CTNND2: variants seen among roughly 807,000 people sequenced by gnomAD.
CTNND2 encodes the protein catenin delta 2.
CTNND2 carries 22 observed loss-of-function variants against 144.4 expected under a neutral mutation model. The observed-to-expected ratio is 0.15, with a 90% confidence interval of 0.11 to 0.22. CTNND2 has a LOEUF of 0.22. CTNND2 is among the 10% of genes least tolerant of loss of function. CTNND2 has a pLI of 1.00. For synonymous variants in CTNND2, 751 were observed against 695.6 expected, an observed-to-expected ratio of 1.08 and a Z score of -1.25; for missense variants, 1,353 against 1,618.8, an observed-to-expected ratio of 0.84 and a Z score of 2.82.
At chr5:11,710,846 G>T (rs543275569) in intron 2 of CTNND2, among the ~76,000 whole-genome samples, 1 of 152,118 alleles carries the variant, frequency 6.6e-6, no homozygotes, top group African/African-American at 2.4e-5. Context: ...CTTTTGCTAC[G>T]TTTCTCTTTT....
intron 16 of CTNND2, among the ~76,000 whole-genome samples, chr5:11,061,746 T>TTTTGC (rs1747007264): frequency 2.6e-5 from 4 of 152,166 alleles, no homozygotes; most frequent in Admixed American, 2.6e-4. Flanking sequence ...TTTGTTCTTG[T>TTTTGC]CACCTAGGCT....
At chr5:11,835,507 AT>A (rs2126970997) in intron 1 of CTNND2, among the ~76,000 whole-genome samples, 1 of 152,248 alleles carries the variant, frequency 6.6e-6, no homozygotes, top group Admixed American at 6.5e-5. Context: ...TAGCTATAGA[AT>A]TATTCAGGTT....
intron 1 of CTNND2, among the ~76,000 whole-genome samples, chr5:11,845,226 A>G (rs908872158): frequency 2.6e-5 from 4 of 152,166 alleles, no homozygotes; most frequent in Admixed American, 2.6e-4. Flanking sequence ...CAGGGTCTAA[A>G]CATCTTGTTT....
chr5:11,278,090 G>A (rs1175464429), intron 9 of CTNND2, among the ~76,000 whole-genome samples: 2 of 152,046 alleles, frequency 1.3e-5, no homozygotes, highest in Admixed American at 6.6e-5. Flanking sequence ...CTCCAACTAG[G>A]ATGTTCTTCT....
At position 11,756,350 on chromosome 5, in the gene CTNND2, C is replaced by T. The variant is rs565347285; in HGVS notation, c.38-24078G>A. Among the ~76,000 whole-genome samples the T allele has an allele frequency of 4.6e-5, 7 of 151,698 alleles. No individual in the cohort carries two copies. In the South Asian group the frequency reaches 1.5e-3, roughly 31 times the overall value. ...AGTTGTTATGTGAAAAGTCAATAATCACCTCTAAGTATTTTAAAAATACAT... is the reference window on the plus strand; with the variant it reads ...AGTTGTTATGTGAAAAGTCAATAATTACCTCTAAGTATTTTAAAAATACAT... On this transcript the variant is annotated intron_variant, in intron 1 of 21. Transcript: ENST00000304623.
intron 21 of CTNND2, among the ~76,000 whole-genome samples, chr5:10,980,576 A>T (rs1428070180): frequency 6.6e-6 from 1 of 151,102 alleles, no homozygotes; most frequent in Admixed American, 6.6e-5. Flanking sequence ...AAATCATTCT[A>T]CTATAAAGAC....
At chr5:11,249,761 T>C (rs1158819117) in intron 9 of CTNND2, among the ~76,000 whole-genome samples, 1 of 152,028 alleles carries the variant, frequency 6.6e-6, no homozygotes, top group Non-Finnish European at 1.5e-5. Context: ...GTGTGGTTAT[T>C]TAGCCGCTAG....
At chr5:11,785,375 A>G (rs1365954564) in intron 1 of CTNND2, among the ~76,000 whole-genome samples, 5 of 152,212 alleles carry the variant, frequency 3.3e-5, no homozygotes, top group African/African-American at 1.2e-4. Flanking sequence ...AGAAGGGTTA[A>G]TTCGGATTTT....
intron 2 of CTNND2, among the ~76,000 whole-genome samples, chr5:11,699,735 C>G (rs922694754): frequency 3.9e-5 from 6 of 152,190 alleles, no homozygotes; most frequent in African/African-American, 1.4e-4. Flanking sequence ...AAAAGCATAT[C>G]ATCCACGGGC....
intron 1 of CTNND2, among the ~76,000 whole-genome samples, chr5:11,862,958 T>A (rs2127029656): frequency 6.6e-6 from 1 of 152,278 alleles, no homozygotes; most frequent in East Asian, 1.9e-4. Context: ...ACATGAAATA[T>A]AAAGACTAGT....
intron 1 of CTNND2, among the ~76,000 whole-genome samples, chr5:11,778,585 T>C (rs1790378503): frequency 1.3e-5 from 2 of 152,122 alleles, no homozygotes; most frequent in Admixed American, 6.5e-5. Context: ...TATTCTACAA[T>C]ATACCAGACC....
chr5:11,872,653 C>T (rs1045403214), intron 1 of CTNND2, among the ~76,000 whole-genome samples: 6 of 147,288 alleles, frequency 4.1e-5, no homozygotes, highest in Non-Finnish European at 9.1e-5. Context: ...AGCTTTTTTT[C>T]ATGTTTGTTG....
intron 1 of CTNND2, among the ~76,000 whole-genome samples, chr5:11,871,477 T>C (rs1735117461): frequency 1.3e-5 from 2 of 152,196 alleles, no homozygotes; most frequent in African/African-American, 4.8e-5. Context: ...TATGTATTTA[T>C]AAAATAAAGA....
At chr5:10,994,450 G>A (rs1266827512) in intron 18 of CTNND2, among the ~76,000 whole-genome samples, 2 of 110,204 alleles carry the variant, frequency 1.8e-5, no homozygotes, top group East Asian at 3.2e-4. Flanking sequence ...AAAGAGGAGC[G>A]GGGGCCGGGA....
chr5:11,671,112 C>G (rs1783855338), intron 2 of CTNND2, among the ~76,000 whole-genome samples: 1 of 152,230 alleles, frequency 6.6e-6, no homozygotes, highest in African/African-American at 2.4e-5. Flanking sequence ...CCCCCCATCT[C>G]TTCTGGCTTG....
At chr5:11,261,561 C>A (rs1375436246) in intron 9 of CTNND2, among the ~76,000 whole-genome samples, 1 of 152,204 alleles carries the variant, frequency 6.6e-6, no homozygotes. Flanking sequence ...ACTAAAGCAG[C>A]CTCTCAGTAT....
chr5:11,087,706 G>A (rs79118119), intron 15 of CTNND2, among the ~76,000 whole-genome samples: 12 of 82,200 alleles, frequency 1.5e-4, no homozygotes, highest in African/African-American at 6.4e-4. Context: ...AATTTAATAA[G>A]CACAAATTTT....
chr5:11,436,522 T>C (rs1206622404), intron 3 of CTNND2, among the ~76,000 whole-genome samples: 1 of 152,240 alleles, frequency 6.6e-6, no homozygotes, highest in Non-Finnish European at 1.5e-5. Context: ...TATTTTTACA[T>C]GTATCTACTT....
intron 3 of CTNND2, among the ~76,000 whole-genome samples, chr5:11,419,057 T>A (rs1169356656): frequency 7.7e-6 from 1 of 130,630 alleles, no homozygotes; most frequent in African/African-American, 3.8e-5. Flanking sequence ...GACATCTATA[T>A]AGATATATAT....
Sources: allele counts gnomAD v4.1 joint callset (sites outside exome capture counted in the v4.1 genomes callset), GRCh38; gene constraint gnomAD v4.1.1; transcripts MANE v1.5; gene names NCBI Gene and HGNC (gene_info 2026-07-23, HGNC 2026-07-21).